Variants in GRHL1 observed in about 807,000 individuals in gnomAD.
The protein encoded by GRHL1 is grainyhead like transcription factor 1.
A neutral mutation model predicts 75.7 loss-of-function variants in GRHL1; 38 were observed. The ratio of observed to expected loss-of-function variants is 0.50; its 90% confidence interval spans 0.39 to 0.66. The LOEUF (loss-of-function observed/expected upper bound fraction) is 0.66. Among genes scored for constraint, GRHL1 ranks in the 30% least tolerant of loss-of-function variants. The pLI is 0.00. For synonymous variants in GRHL1, 266 were observed against 279.4 expected, an observed-to-expected ratio of 0.95 and a Z score of 0.48; for missense variants, 589 against 767.5, an observed-to-expected ratio of 0.77 and a Z score of 2.75.
chr2:9,976,738 AT>A (rs1256188049), intron 8 of GRHL1, among the ~76,000 whole-genome samples: 2 of 152,192 alleles, frequency 1.3e-5, no homozygotes, highest in African/African-American at 4.8e-5. Context: ...TTTTGCAGTC[AT>A]TTGAATAGAG....
intron 8 of GRHL1, among the ~76,000 whole-genome samples, chr2:9,978,559 T>A (rs1668050206): frequency 6.6e-6 from 1 of 152,204 alleles, no homozygotes; most frequent in Non-Finnish European, 1.5e-5. Flanking sequence ...AGAGAACCAT[T>A]GAAGGCTATT....
rs376064895 is a variant in GRHL1 at position 10,000,905 on chromosome 2, T to A, written c.*198T>A. The A allele has an allele frequency of 9.1e-6, 4 of 441,724 alleles. No homozygotes were observed. Among genetic ancestry groups the A allele is most frequent in the African/African-American group, 6.0e-5 (3 of 50,080 alleles). The allele number at this position is 441,724 out of a possible 1,614,324, so 27.4% of individuals were successfully genotyped here. Reference sequence around the variant, plus strand: ...ATCTATTGCATTGGTGTTTTTCAGATGAAAGAGAAATCCATATACCATTAT... The same window carrying A: ...ATCTATTGCATTGGTGTTTTTCAGAAGAAAGAGAAATCCATATACCATTAT... On this transcript the variant is annotated 3_prime_UTR_variant, in exon 16 of 16. Coordinates refer to ENST00000324907, the MANE Select transcript of GRHL1 (RefSeq NM_198182.3).
At chr2:9,993,330 C>T (rs1668724662) in intron 12 of GRHL1, 86 bp downstream of exon 12, 2 of 1,084,816 alleles carry the variant, frequency 1.8e-6, no homozygotes, top group South Asian at 2.6e-5. Context: ...GTACAAAGAA[C>T]TCATTTTTCC....
At chr2:9,963,539 T>C (rs1231789165) in intron 5 of GRHL1, among the ~76,000 whole-genome samples, 3 of 152,200 alleles carry the variant, frequency 2.0e-5, no homozygotes, top group East Asian at 1.9e-4. Flanking sequence ...AGGAATTTAG[T>C]CAGAGGAACA....
intron 14 of GRHL1, among the ~76,000 whole-genome samples, chr2:9,997,735 A>G (rs1329468233): frequency 6.6e-6 from 1 of 152,010 alleles, no homozygotes; most frequent in Non-Finnish European, 1.5e-5. Context: ...AGGCAGGAGA[A>G]TCACTTGAAC....
chr2:9,985,902 C>T (rs957928706), intron 8 of GRHL1, among the ~76,000 whole-genome samples: 7 of 152,220 alleles, frequency 4.6e-5, no homozygotes, highest in Middle Eastern at 3.4e-3. Context: ...TCAGAGCTGC[C>T]GACTCTTCCT....
intron 8 of GRHL1, among the ~76,000 whole-genome samples, chr2:9,983,705 C>T (rs1668296106): frequency 1.3e-5 from 2 of 151,684 alleles, no homozygotes; most frequent in South Asian, 2.1e-4. Flanking sequence ...AGAAAAAATT[C>T]GGATTTTCCA....
chr2:9,974,924 C>G (rs1025486251), intron 8 of GRHL1, among the ~76,000 whole-genome samples: 2 of 152,236 alleles, frequency 1.3e-5, no homozygotes, highest in Non-Finnish European at 2.9e-5. Flanking sequence ...AAAACATGCT[C>G]TTAAGATTTC....
At chr2:9,999,090 G>A (rs1669153690) in intron 15 of GRHL1, 61 bp downstream of exon 15, 1 of 770,878 alleles carries the variant, frequency 1.3e-6, no homozygotes, top group African/African-American at 1.8e-5. Context: ...CAGTGCTAGT[G>A]TGACGCACCC....
At chr2:9,998,482 ATATATATACG>A (rs1558319651) in intron 14 of GRHL1, among the ~76,000 whole-genome samples, 11 of 4,632 alleles carry the variant, frequency 2.4e-3, no homozygotes, top group Non-Finnish European at 4.0e-3. Flanking sequence ...ATATATATAC[ATATATATACG>A]TATATATACA....
At chr2:9,997,573 G>A (rs1271723039) in intron 14 of GRHL1, among the ~76,000 whole-genome samples, 1 of 152,088 alleles carries the variant, frequency 6.6e-6, no homozygotes, top group Non-Finnish European at 1.5e-5. Flanking sequence ...TGTAATCCCA[G>A]CACTTTGGGA....
At chr2:9,998,423 C>CGTGTGTGTGTGTGT (rs1553306759) in intron 14 of GRHL1, among the ~76,000 whole-genome samples, 433 of 33,824 alleles carry the variant, frequency 0.013, 19 homozygotes, top group African/African-American at 0.015. Context: ...AGTGACTATG[C>CGTGTGTGTGTGTGT]ATGTGTGTGT....
rs539328574 is a variant in GRHL1 at position 9,994,066 on chromosome 2, C to T, written c.1499+822C>T. Among the ~76,000 whole-genome samples the T allele has an allele frequency of 8.8e-4, 126 of 142,574 alleles. 3 individuals are homozygous for T. The South Asian group carries it at 0.01, about 11-fold the overall frequency. The allele number at this position is 142,574 out of a possible 152,430, so 93.5% of individuals were successfully genotyped here. A position where few individuals can be genotyped will look rare whatever the true frequency, so the allele number is the denominator to read the frequency against. ...ATGCTGCCTAGTGGAGGGGGGCTGA[C>T]GCTACCCCTCTTTGGGCTATCAGAA... is the stretch of plus-strand genomic sequence containing the variant. On this transcript the variant is annotated intron_variant, in intron 12 of 15. Coordinates refer to ENST00000324907, the MANE Select transcript of GRHL1 (RefSeq NM_198182.3).
intron 8 of GRHL1, among the ~76,000 whole-genome samples, chr2:9,981,062 A>G (rs1436956264): frequency 6.6e-6 from 1 of 152,230 alleles, no homozygotes; most frequent in Non-Finnish European, 1.5e-5. Flanking sequence ...TGAGGAACAA[A>G]GTGTGCCCAT....
At chr2:9,957,196 G>A (rs1417728377) in intron 2 of GRHL1, among the ~76,000 whole-genome samples, 1 of 151,756 alleles carries the variant, frequency 6.6e-6, no homozygotes, top group Non-Finnish European at 1.5e-5. Context: ...TCACTATGTT[G>A]CCCAGGCTGG....
At chr2:9,991,535 A>G (rs1668642347) in intron 10 of GRHL1, among the ~76,000 whole-genome samples, 1 of 151,198 alleles carries the variant, frequency 6.6e-6, no homozygotes, top group Non-Finnish European at 1.5e-5. Context: ...CTAACTTACT[A>G]AATTAAAAAT....
At chr2:9,967,132 A>C (rs965497673) in intron 8 of GRHL1, among the ~76,000 whole-genome samples, 3 of 152,148 alleles carry the variant, frequency 2.0e-5, no homozygotes, top group African/African-American at 7.2e-5. Context: ...ATTGTGGAGG[A>C]GGCGATAAAG....
chr2:9,954,661 GCCAAATAGTATA>G (rs1218656617), intron 1 of GRHL1, among the ~76,000 whole-genome samples: 1 of 152,058 alleles, frequency 6.6e-6, no homozygotes, highest in African/African-American at 2.4e-5. Context: ...TCGCTTTTTT[GCCAAATAGTATA>G]CCCTGGGTTC....
At chr2:9,960,189 A>G (rs968491953) in intron 3 of GRHL1, 1 of 152,272 alleles carries the variant, frequency 6.6e-6, no homozygotes, top group Non-Finnish European at 1.5e-5. Flanking sequence ...CTGTAATCGC[A>G]GCGCTTTGGG....
Sources: allele counts gnomAD v4.1 joint callset (sites outside exome capture counted in the v4.1 genomes callset), GRCh38; gene constraint gnomAD v4.1.1; transcripts MANE v1.5; gene names NCBI Gene and HGNC (gene_info 2026-07-23, HGNC 2026-07-21).